The following MAPK8IP2 variants were observed in gnomAD, a reference collection of about 807,000 sequenced individuals.
MAPK8IP2 encodes the protein C-Jun-amino-terminal kinase-interacting protein 2.
MAPK8IP2 carries 15 observed loss-of-function variants against 75.6 expected under a neutral mutation model. The ratio of observed to expected loss-of-function variants is 0.20; its 90% CI spans 0.13 to 0.31. The LOEUF (loss-of-function observed/expected upper bound fraction) is 0.31. Among genes scored for constraint, MAPK8IP2 ranks in the 10% least tolerant of loss-of-function variants. The pLI is 1.00. For synonymous variants in MAPK8IP2, 632 were observed against 554.5 expected (o/e 1.14, Z -1.96); for missense variants, 1,089 against 1,211.2 (o/e 0.90, Z 1.50).
At position 50,610,689 on chromosome 22, in the gene MAPK8IP2, A is replaced by T; in HGVS notation, c.2403-18A>T. ...AGGACCGGCCCTGAGTGGCTGGTGG[A>T]GGACCGTCTTTCCCCAGCCGCGCCT... On this transcript the variant is annotated intron_variant, in intron 11 of 11. Coordinates refer to ENST00000329492, the MANE Select transcript of MAPK8IP2 (RefSeq NM_012324.6). This position sits in a 1 kb window ranked among gnomAD's most constrained non-coding sequence, Gnocchi z 4.3. 1 of 1,583,052 alleles carries T rather than the reference A, an allele frequency of 6.3e-7. No homozygotes were observed. The highest frequency in any genetic ancestry group is 8.6e-7 in the Non-Finnish European group (1 of 1,168,000).
At chr22:50,603,136 C>A in intron 2 of MAPK8IP2, 87 bp from the exon 3 acceptor site, 1 of 1,604,132 alleles carries the variant, frequency 6.2e-7, no homozygotes, top group Non-Finnish European at 8.5e-7. Flanking sequence ...TTGACTGATG[C>A]TCCCCGATTT....
chr22:50,603,022 T>C, intron 2 of MAPK8IP2: 2 of 1,125,000 alleles, frequency 1.8e-6, no homozygotes, highest in Non-Finnish European at 2.5e-6. Flanking sequence ...CTGTAGAGTT[T>C]AGGCCCTTCC....
At chr22:50,606,612 C>A in intron 8 of MAPK8IP2, 46 bp from the exon 9 acceptor site, 1 of 1,374,400 alleles carries the variant, frequency 7.3e-7, no homozygotes, top group South Asian at 1.2e-5. Flanking sequence ...AAGAAAGGCC[C>A]TTGTGGGCTC....
Position 50,607,071 on chromosome 22 carries a change from AC to A in MAPK8IP2, c.2303+83del, listed in dbSNP as rs2071065728. Reference sequence around the variant, plus strand: ...CCAACCGCCCCCTGAGTCCCCACAGACCCTGAGGGCTGCCCGTGCCCAGCCC... The same window carrying A: ...CCAACCGCCCCCTGAGTCCCCACAGACCTGAGGGCTGCCCGTGCCCAGCCC... On this transcript the variant is annotated intron_variant, in intron 10 of 11. Transcript: ENST00000329492. The surrounding 1 kb of genome is among the most constrained non-coding windows in gnomAD (Gnocchi z 5.6). 1 of 1,157,440 alleles carries A rather than the reference AC, an allele frequency of 8.6e-7. No individual in the cohort carries two copies. The highest frequency in any genetic ancestry group is 1.2e-5 in the South Asian group (1 of 80,854). The allele number at this position is 1,157,440 out of a possible 1,614,324, so 71.7% of individuals were successfully genotyped here. A position where few individuals can be genotyped will look rare whatever the true frequency, so the allele number is the denominator to read the frequency against.
Position 50,605,597 on chromosome 22 carries a change from A to C in MAPK8IP2, c.1877A>C (p.Asp626Ala). The change falls in exon 7 of 12, where the codon GAT becomes GCT. Residue 626 changes from aspartate to alanine, a missense_variant. Transcript: ENST00000329492. ...IPRHPDELEL[D>A]VDDPVLVEAE... ...CGGCATCCAGACGAGCTGGAGCTGG[A>C]TGTGGATGACCCTGTGTTGGTGGAG... 1 of 1,567,866 alleles carries C rather than the reference A, an allele frequency of 6.4e-7. No individual in the cohort carries two copies. The highest frequency in any genetic ancestry group is 8.7e-7 in the Non-Finnish European group (1 of 1,153,854).
At chr22:50,609,469 C>T (rs897697982) in intron 10 of MAPK8IP2, among the ~76,000 whole-genome samples, 12 of 152,136 alleles carry the variant, frequency 7.9e-5, no homozygotes, top group East Asian at 3.9e-4. Context: ...GCATTTGAGG[C>T]GGGCCCTGTG....
In MAPK8IP2 at chr22:50,610,880, G is replaced by T. The variant is rs919576782; in HGVS notation, c.*101G>T. 8.8e-6 allele frequency: 9 copies of T among 1,022,244 alleles called. No individual in the cohort carries two copies. The African/African-American group carries it at 1.3e-4, about 15-fold the overall frequency. 63.3% of individuals were successfully genotyped at this position (1,022,244 alleles called of 1,614,324 possible). On this transcript the variant is annotated 3_prime_UTR_variant, in exon 12 of 12. Transcript: ENST00000329492. The surrounding 1 kb of genome is among the most constrained non-coding windows in gnomAD (Gnocchi z 4.3). ...GGCTTTGGCAAGGACTGGATTGGGG[G>T]GACATGGGACCTTACGCTTGTGGGG...
At chr22:50,601,451 G>GA in intron 1 of MAPK8IP2, 8 of 258,660 alleles carry the variant, frequency 3.1e-5, no homozygotes, top group South Asian at 2.4e-4. Flanking sequence ...TGCCGCTGCC[G>GA]CGTTGCAGCT....
In MAPK8IP2 at chr22:50,610,425, C is replaced by A; in HGVS notation, c.2402+115C>A. ...CAGGGGAGGTCTGGGGAAGGAGAAC[C>A]AGATGTGCTGTGTAGAGAGGGCAGT... is the stretch of plus-strand genomic sequence containing the variant. On this transcript the variant is annotated intron_variant, in intron 11 of 11. Transcript: ENST00000329492. The surrounding 1 kb of genome is among the most constrained non-coding windows in gnomAD (Gnocchi z 4.3). 2 of 923,198 alleles carry A rather than the reference C, an allele frequency of 2.2e-6. No individual in the cohort carries two copies. The highest frequency in any genetic ancestry group is 3.4e-6 in the Non-Finnish European group (2 of 590,910). 57.2% of individuals were successfully genotyped at this position (923,198 alleles called of 1,614,324 possible). A position where few individuals can be genotyped will look rare whatever the true frequency, so the allele number is the denominator to read the frequency against.
At chr22:50,601,052 C>G in intron 1 of MAPK8IP2, 169 bp downstream of exon 1, 1 of 164,616 alleles carries the variant, frequency 6.1e-6, no homozygotes, top group East Asian at 1.8e-4. Context: ...CCACCCCCAC[C>G]CCGCTCCCAC....
In MAPK8IP2 at chr22:50,604,796, G is replaced by T. The variant is rs373826678; in HGVS notation, c.1497G>T (p.Pro499=). ...GCAGGGGCACGGGCCCCTCGGCGCC[G>T]CGGGACGCGTCGCTGGTGTACGACG... The part of the protein sequence containing the change: ...PGGRGTGPSA[P]RDASLVYDAV... The change falls in exon 5 of 12, where the codon CCG becomes CCT. Residue 499 remains proline (P), a synonymous_variant. Transcript: ENST00000329492. The T allele has an allele frequency of 4.6e-4, 718 of 1,548,458 alleles. 5 individuals carry two copies. The East Asian group carries it at 5.6e-3, about 12-fold the overall frequency.
chr22:50,601,479 C>T, intron 1 of MAPK8IP2: 2 of 317,724 alleles, frequency 6.3e-6, no homozygotes, highest in South Asian at 8.2e-5. Flanking sequence ...CCCTGCTCTG[C>T]AAGACCCTGA....
chr22:50,604,751 C>T lies in MAPK8IP2; in HGVS notation c.1452C>T (p.Asp484=). The T allele has an allele frequency of 6.5e-7, 1 of 1,541,388 alleles. No homozygotes were observed. The highest frequency in any genetic ancestry group is 8.7e-7 in the Non-Finnish European group (1 of 1,144,210). ...ACGAGGAAGAGGAGGATGCCGAGGA[C>T]AGTGCGGGGTCCCCCGGGGGCAGGG... is the stretch of plus-strand genomic sequence containing the variant. The part of the protein sequence containing the change: ...EDDEEEEDAE[D]SAGSPGGRGT... Residue 484 remains aspartate, a synonymous_variant, in exon 5 of 12, where the codon GAC becomes GAT. Transcript: ENST00000329492.
Position 50,610,695 on chromosome 22 carries a change from G to A in MAPK8IP2, c.2403-12G>A, listed in dbSNP as rs147909472. 7.0e-5 allele frequency: 111 copies of A among 1,593,826 alleles called. No homozygotes were observed. The African/African-American group carries it at 1.2e-3, about 17-fold the overall frequency. On this transcript the variant is annotated splice_polypyrimidine_tract_variant and intron_variant, in intron 11 of 11. Transcript: ENST00000329492. The surrounding 1 kb of genome is among the most constrained non-coding windows in gnomAD (Gnocchi z 4.3). ...GGCCCTGAGTGGCTGGTGGAGGACC[G>A]TCTTTCCCCAGCCGCGCCTTCCTGG...
Position 50,606,928 on chromosome 22 carries a change from G to A in MAPK8IP2, c.2240G>A (p.Arg747His), listed in dbSNP as rs750641316. ...SLSGGGPEFQ[R>H]CSHFFQMKNI... ...TGCCCACCTCTGCTCTAGTTCCAGC[G>A]CTGCAGCCATTTCTTCCAGATGAAG... Residue 747 changes from arginine to histidine, a missense_variant, in exon 10 of 12, where the codon CGC becomes CAC. By Grantham distance (29) the Arg-to-His change is conservative. Transcript: ENST00000329492. The A allele has an allele frequency of 4.3e-6, 7 of 1,613,696 alleles. No homozygotes were observed. The highest frequency in any genetic ancestry group is 2.7e-5 in the African/African-American group (2 of 74,918).
rs759378669 is a variant in MAPK8IP2 at position 50,607,378 on chromosome 22, C to T, written c.2303+387C>T. On this transcript the variant is annotated intron_variant, in intron 10 of 11. Transcript: ENST00000329492. This position sits in a 1 kb window ranked among gnomAD's most constrained non-coding sequence, Gnocchi z 5.6. ...AGCCAAGGGTGTGGGATGCACTGGT[C>T]GGGGGCTATATAGGCTCTGGGGCCC... Among the ~76,000 whole-genome samples the T allele has an allele frequency of 9.9e-5, 15 of 151,970 alleles. No homozygotes were observed. The highest frequency in any genetic ancestry group is 2.4e-4 in the African/African-American group (10 of 41,364).
intron 8 of MAPK8IP2, 81 bp downstream of exon 8, chr22:50,606,015 A>G: frequency 8.7e-7 from 1 of 1,146,682 alleles, no homozygotes. Flanking sequence ...ACAGGGCTTG[A>G]GGCTCCAAGG....
At chr22:50,606,043 TC>T in intron 8 of MAPK8IP2, 109 bp downstream of exon 8, 1 of 892,310 alleles carries the variant, frequency 1.1e-6, no homozygotes, top group Non-Finnish European at 1.7e-6. Flanking sequence ...TCTGATTTCC[TC>T]CAGGGAGGGT....
chr22:50,604,106 G>C lies in MAPK8IP2; in HGVS notation c.807G>C (p.Ser269=). 1 of 1,551,974 alleles carries C rather than the reference G, an allele frequency of 6.4e-7. No individual in the cohort carries two copies. The highest frequency in any genetic ancestry group is 8.6e-7 in the Non-Finnish European group (1 of 1,157,674). Residue 269 remains serine, a synonymous_variant, in exon 5 of 12, where the codon TCG becomes TCC. Transcript: ENST00000329492. The part of the protein sequence containing the change: ...AGGARLGRMI[S]SISETELELS... ...GCGCGCGCCTGGGGCGCATGATCTC[G>C]TCCATCTCGGAGACGGAGCTGGAGC...
Sources: allele counts gnomAD v4.1 joint callset (sites outside exome capture counted in the v4.1 genomes callset), GRCh38; gene constraint gnomAD v4.1.1; non-coding constraint Gnocchi (gnomAD v3.1); transcripts MANE v1.5; gene names NCBI Gene and HGNC (gene_info 2026-07-23, HGNC 2026-07-21).